IFRD1: variants seen among roughly 807,000 people sequenced by gnomAD.
IFRD1 encodes interferon related developmental regulator 1.
A neutral mutation model predicts 52.9 loss-of-function variants in IFRD1; 35 were observed. That is an observed-to-expected ratio of 0.66 (90% CI 0.51 to 0.88). IFRD1 has a LOEUF of 0.88. IFRD1 is among the 40% of genes least tolerant of loss of function. IFRD1 has a pLI of 0.00. For missense variants in IFRD1, 517 were observed against 550.8 expected, an observed-to-expected ratio of 0.94 and a Z score of 0.61; for synonymous variants, 184 against 188.4, an observed-to-expected ratio of 0.98 and a Z score of 0.19.
At chr7:112,429,310 T>C (rs999008103) in intron 1 of IFRD1, among the ~76,000 whole-genome samples, 2 of 152,232 alleles carry the variant, frequency 1.3e-5, no homozygotes, top group Admixed American at 6.5e-5. Flanking sequence ...ATCATAGTCG[T>C]TGGGCACATC....
chr7:112,463,885 CA>C (rs1795536297), intron 8 of IFRD1, among the ~76,000 whole-genome samples: 10 of 26,882 alleles, frequency 3.7e-4, no homozygotes, highest in African/African-American at 1.4e-3. Flanking sequence ...CACACACACA[CA>C]CACACACACC....
chr7:112,462,715 G>A (rs1795472385), intron 8 of IFRD1, among the ~76,000 whole-genome samples: 1 of 152,126 alleles, frequency 6.6e-6, no homozygotes, highest in Non-Finnish European at 1.5e-5. Context: ...GCTAATGAAG[G>A]CATGTGATGC....
intron 1 of IFRD1, among the ~76,000 whole-genome samples, chr7:112,439,962 T>C (rs1794830699): frequency 6.6e-6 from 1 of 152,040 alleles, no homozygotes; most frequent in Non-Finnish European, 1.5e-5. Flanking sequence ...AAATCAATGA[T>C]GTCTGCAACA....
At chr7:112,432,991 A>G (rs1794579711) in intron 1 of IFRD1, among the ~76,000 whole-genome samples, 2 of 152,358 alleles carry the variant, frequency 1.3e-5, no homozygotes, top group African/African-American at 4.8e-5. Context: ...TATCCATTAT[A>G]TACAATTTAT....
At chr7:112,472,622 G>A in intron 10 of IFRD1, 144 bp from the exon 11 acceptor site, 1 of 732,792 alleles carries the variant, frequency 1.4e-6, no homozygotes, top group Non-Finnish European at 2.4e-6. Context: ...AAAACAATTT[G>A]CTTTCTATTG....
intron 8 of IFRD1, among the ~76,000 whole-genome samples, chr7:112,466,397 C>T (rs966310731): frequency 7.9e-5 from 12 of 152,034 alleles, no homozygotes; most frequent in African/African-American, 2.2e-4. Flanking sequence ...ATTATATTAC[C>T]GTGAAGTTTT....
intron 1 of IFRD1, among the ~76,000 whole-genome samples, chr7:112,424,564 G>A (rs568064757): frequency 6.6e-6 from 1 of 151,910 alleles, no homozygotes; most frequent in South Asian, 2.1e-4. Context: ...ACAGGCGGCT[G>A]CCACCACACC....
chr7:112,456,560 G>C (rs1298485919), intron 3 of IFRD1, among the ~76,000 whole-genome samples: 2 of 150,946 alleles, frequency 1.3e-5, no homozygotes, highest in Non-Finnish European at 1.5e-5. Context: ...TGCAATTCTA[G>C]ACTTTTATAG....
In IFRD1 at chr7:112,476,854, T is replaced by A. The variant is rs1305376880; in HGVS notation, c.*1335T>A. 6.6e-6 allele frequency: 1 copy of A among 152,162 alleles called. No homozygotes were observed. The highest frequency in any genetic ancestry group is 1.5e-5 in the Non-Finnish European group (1 of 68,024). 9.4% of individuals were successfully genotyped at this position (152,162 alleles called of 1,614,324 possible). On this transcript the variant is annotated 3_prime_UTR_variant, in exon 12 of 12. Coordinates refer to ENST00000403825, the MANE Select transcript of IFRD1 (RefSeq NM_001550.4). ...GCCGTGAGGGGTAGGGAAGCATATA[T>A]ACTGTAGGGAGAAGTATCAAAATCA...
intron 9 of IFRD1, among the ~76,000 whole-genome samples, chr7:112,469,525 TTAAG>T (rs1364850703): frequency 8.5e-5 from 13 of 152,282 alleles, no homozygotes; most frequent in Non-Finnish European, 1.6e-4. Context: ...GCCATTTTCT[TTAAG>T]TAACTATAAA....
upstream of IFRD1, among the ~76,000 whole-genome samples, chr7:112,447,795 C>A (rs1196916026): frequency 1.3e-5 from 2 of 152,140 alleles, no homozygotes; most frequent in African/African-American, 4.8e-5. Context: ...GTGATGTTTG[C>A]ACTGGTCTGG....
intron 8 of IFRD1, 77 bp downstream of exon 8, chr7:112,462,455 TG>T: frequency 2.0e-6 from 2 of 997,432 alleles, no homozygotes; most frequent in Non-Finnish European, 1.6e-6. Context: ...AATTGAGAAT[TG>T]GGCAATAACT....
rs767576072 is a variant in IFRD1 at position 112,456,976 on chromosome 7, A to G, written c.347A>G (p.Tyr116Cys). The G allele has an allele frequency of 1.9e-6, 3 of 1,613,914 alleles. No individual in the cohort carries two copies. The highest frequency in any genetic ancestry group is 2.5e-6 in the Non-Finnish European group (3 of 1,179,802). The stretch of plus-strand genomic sequence containing the variant: ...AATGCACTGGCTTCAAAAATGCTGT[A>G]TGAATTTATTCTGGAAAGGAGAATG... The part of the protein sequence containing the change: ...IKNALASKML[Y>C]EFILERRMTL... Residue 116 changes from tyrosine to cysteine, a missense_variant, in exon 4 of 12, where the codon TAT becomes TGT. Transcript: ENST00000403825.
chr7:112,456,518 C>A (rs1795295092), intron 3 of IFRD1, among the ~76,000 whole-genome samples: 1 of 152,082 alleles, frequency 6.6e-6, no homozygotes, highest in African/African-American at 2.4e-5. Context: ...AGCTTCAGAA[C>A]TGACCTTAAT....
chr7:112,450,810 C>T, intron 1 of IFRD1, 28 bp downstream of exon 1: 1 of 1,523,832 alleles, frequency 6.6e-7, no homozygotes, highest in East Asian at 2.3e-5. Flanking sequence ...CGCCGGCATC[C>T]CAGTTGCCGG....
At chr7:112,459,326 A>G (rs1795373886) in intron 5 of IFRD1, among the ~76,000 whole-genome samples, 1 of 152,200 alleles carries the variant, frequency 6.6e-6, no homozygotes, top group South Asian at 2.1e-4. Context: ...GAAAGCTTTC[A>G]TTCTCTAATT....
chr7:112,461,725 A>G (rs1336590275), intron 5 of IFRD1, 141 bp from the exon 6 acceptor site: 1 of 475,236 alleles, frequency 2.1e-6, no homozygotes, highest in Non-Finnish European at 3.7e-6. Context: ...TTCTCTCCTC[A>G]CCTCTTTTAT....
At chr7:112,456,871 A>T (rs1247571293) in intron 3 of IFRD1, 43 bp from the exon 4 acceptor site, 1 of 1,598,644 alleles carries the variant, frequency 6.3e-7, no homozygotes, top group South Asian at 1.1e-5. Flanking sequence ...TTTATTGTAT[A>T]CTCCAACTGG....
intron 1 of IFRD1, among the ~76,000 whole-genome samples, chr7:112,429,896 A>C (rs771014493): frequency 4.0e-4 from 61 of 152,354 alleles, no homozygotes; most frequent in Non-Finnish European, 4.7e-4. Flanking sequence ...TTATATAAAT[A>C]AAATATAGAA....
Sources: gnomAD v4.1 joint callset for allele counts (sites outside exome capture counted in the v4.1 genomes callset) on GRCh38, gnomAD v4.1.1 for gene constraint, MANE v1.5 for transcripts, NCBI Gene and HGNC (gene_info 2026-07-23, HGNC 2026-07-21) for gene names.